HECTD2: variants seen among roughly 807,000 people sequenced by gnomAD.
HECTD2 encodes the protein HECT domain E3 ubiquitin protein ligase 2, also known as probable E3 ubiquitin-protein ligase HECTD2.
Under a neutral mutation model 103.2 loss-of-function variants are expected in HECTD2, and 35 were observed. That is an observed-to-expected ratio of 0.34 (90% confidence interval 0.26 to 0.45). The LOEUF is 0.45. Among genes scored for constraint, HECTD2 ranks in the 20% least tolerant of loss-of-function variants. The probability of loss-of-function intolerance (pLI) is 1.00; values close to 1 mark genes in which losing one functional copy is unlikely to be tolerated. For missense variants in HECTD2, 596 were observed against 937.4 expected (o/e 0.64, Z 4.76); for synonymous variants, 281 against 329.9 (o/e 0.85, Z 1.61).
At chr10:91,476,762 C>T (rs1301660035) in intron 5 of HECTD2, among the ~76,000 whole-genome samples, 1 of 152,220 alleles carries the variant, frequency 6.6e-6, no homozygotes, top group Non-Finnish European at 1.5e-5. Flanking sequence ...TGAGAACCGT[C>T]TTCTTGAAGT....
rs531068458 is a variant in HECTD2, at chr10:91,496,345, C to T, written c.1653C>T (p.Thr551=). 2.2e-5 allele frequency: 35 copies of T among 1,611,364 alleles called. No homozygotes were observed. In the East Asian group the frequency reaches 4.5e-4, roughly 21 times the overall value. The change falls in exon 15 of 21, where the codon ACC becomes ACT. Residue 551 remains threonine (T), a synonymous_variant. Coordinates refer to ENST00000298068, the MANE Select transcript of HECTD2 (RefSeq NM_182765.6). ...QNIPVGICNV[T]VDDLCQIMPE... ...TACCAGTAGGCATCTGCAATGTTAC[C>T]GTGGACGACTTATGTCAAATTATGC...
chr10:91,427,552 G>A (rs868102900), intron 2 of HECTD2, among the ~76,000 whole-genome samples: 18 of 152,138 alleles, frequency 1.2e-4, no homozygotes, highest in Non-Finnish European at 2.5e-4. Context: ...TCTAACTGGT[G>A]TGAGATGGTA....
At chr10:91,459,386 T>C (rs576071522) in intron 2 of HECTD2, among the ~76,000 whole-genome samples, 151 of 152,018 alleles carry the variant, frequency 9.9e-4, no homozygotes, top group Non-Finnish European at 1.9e-3. Flanking sequence ...TCTACACAAA[T>C]GTTTCTAGCA....
chr10:91,503,285 G>A (rs960255907), intron 20 of HECTD2, among the ~76,000 whole-genome samples: 2 of 152,178 alleles, frequency 1.3e-5, no homozygotes, highest in African/African-American at 2.4e-5. Context: ...CAAGATGGCC[G>A]AATAGGAACA....
chr10:91,511,213 G>A (rs565260200), intron 20 of HECTD2, among the ~76,000 whole-genome samples: 1 of 152,234 alleles, frequency 6.6e-6, no homozygotes, highest in East Asian at 1.9e-4. Context: ...ATGCTGTGAA[G>A]TTCATAAAGA....
rs1194131091 is a variant in HECTD2, at chr10:91,487,568, A to G, written c.1095-114A>G. ...ATACAATCATTTTGTATATGGTAAA[A>G]CACAATCCAAAAGTAATGTTTTATA... On this transcript the variant is annotated intron_variant, in intron 10 of 20. Coordinates refer to ENST00000298068, the MANE Select transcript of HECTD2 (RefSeq NM_182765.6). This position sits in a 1 kb window ranked among gnomAD's most constrained non-coding sequence, Gnocchi z 4.1. 1 of 754,838 alleles carries G rather than the reference A, an allele frequency of 1.3e-6. No homozygotes were observed. Among genetic ancestry groups the G allele is most frequent in the Admixed American group, 1.9e-5 (1 of 53,870 alleles). 46.8% of individuals were successfully genotyped at this position (754,838 alleles called of 1,614,324 possible). A position where few individuals can be genotyped will look rare whatever the true frequency, so the allele number is the denominator to read the frequency against.
intron 12 of HECTD2, among the ~76,000 whole-genome samples, 155 bp from the exon 13 acceptor site, chr10:91,492,197 C>T (rs1846507059): frequency 6.6e-6 from 1 of 152,202 alleles, no homozygotes; most frequent in Non-Finnish European, 1.5e-5. Flanking sequence ...CTAGCTCACA[C>T]AGTGTCTGGC....
intron 2 of HECTD2, among the ~76,000 whole-genome samples, chr10:91,436,643 T>C (rs1589478890): frequency 1.3e-5 from 2 of 152,144 alleles, no homozygotes; most frequent in East Asian, 3.9e-4. Context: ...GGAGGGATAG[T>C]CATGTAGTGG....
At chr10:91,475,651 G>A (rs1301837173) in intron 5 of HECTD2, among the ~76,000 whole-genome samples, 2 of 152,110 alleles carry the variant, frequency 1.3e-5, no homozygotes, top group African/African-American at 2.4e-5. Flanking sequence ...GAAATGAGGC[G>A]GTAGCTAGAA....
intron 20 of HECTD2, among the ~76,000 whole-genome samples, chr10:91,511,776 G>A (rs989276409): frequency 6.6e-6 from 1 of 152,144 alleles, no homozygotes; most frequent in Admixed American, 6.6e-5. Flanking sequence ...CTGTTGTGCA[G>A]CCCAGTTCCT....
At chr10:91,485,529 T>A in intron 10 of HECTD2, 1 of 386,390 alleles carries the variant, frequency 2.6e-6, no homozygotes, top group Non-Finnish European at 4.5e-6. Context: ...TAGCATCTTT[T>A]CAAGAAGGGA....
At chr10:91,498,277 C>A in intron 16 of HECTD2, 95 bp downstream of exon 16, 2 of 841,756 alleles carry the variant, frequency 2.4e-6, no homozygotes, top group South Asian at 1.5e-5. Flanking sequence ...AAAAGATGAA[C>A]AAGGATTAAC....
At chr10:91,461,661 G>T (rs1029223073) in intron 4 of HECTD2, among the ~76,000 whole-genome samples, 6 of 152,006 alleles carry the variant, frequency 3.9e-5, no homozygotes, top group Non-Finnish European at 2.9e-5. Context: ...CAATTCTTGT[G>T]CCTCAGCCTC....
At chr10:91,509,048 C>G (rs7074559) in intron 20 of HECTD2, among the ~76,000 whole-genome samples, 19,853 of 147,908 alleles carry the variant, frequency 0.13, 2,991 homozygotes, top group African/African-American at 0.38. Flanking sequence ...ACCGCATATT[C>G]TCACTCATAG....
intron 1 of HECTD2, among the ~76,000 whole-genome samples, chr10:91,411,250 T>G (rs888854326): frequency 7.2e-5 from 11 of 152,186 alleles, no homozygotes; most frequent in Non-Finnish European, 1.6e-4. Flanking sequence ...GAGAGCGCTG[T>G]CAGGCTTCAA....
chr10:91,429,871 T>C lies in HECTD2; in HGVS notation c.268+4461T>C, dbSNP rs1232352857. Among the ~76,000 whole-genome samples, 15 of 152,348 alleles carry C rather than the reference T, an allele frequency of 9.8e-5. No homozygotes were observed. The Middle Eastern group carries it at 0.01, about 104-fold the overall frequency. ...TTTTTTGAAGGTTTTTTTGTGTCTC[T>C]ATTTCCTTCAGTTCTGCTCTGATTT... On this transcript the variant is annotated intron_variant, in intron 2 of 20. Transcript: ENST00000298068.
In HECTD2 at chr10:91,496,322, C is replaced by A. The variant is rs767954192; in HGVS notation, c.1630C>A (p.Pro544Thr). ...PPIIPSDQNI[P>T]VGICNVTVDD... The stretch of plus-strand genomic sequence containing the variant: ...CATCATTCCTAGTGATCAAAATATA[C>A]CAGTAGGCATCTGCAATGTTACCGT... The change falls in exon 15 of 21, where the codon CCA becomes ACA. Residue 544 changes from proline to threonine, a missense_variant. By Grantham distance (38) the Pro-to-Thr change is conservative (BLOSUM62 -1). Around this residue, in one of 4 missense-constraint regions of HECTD2, gnomAD observed 303 missense variants for 522.5 expected, o/e 0.58. Transcript: ENST00000298068. 1.1e-5 allele frequency: 17 copies of A among 1,611,340 alleles called. No individual in the cohort carries two copies. In the East Asian group the frequency reaches 3.6e-4, roughly 34 times the overall value.
intron 1 of HECTD2, among the ~76,000 whole-genome samples, chr10:91,421,816 T>C (rs932755459): frequency 1.3e-5 from 2 of 152,234 alleles, no homozygotes; most frequent in African/African-American, 4.8e-5. Flanking sequence ...TGCCTATTCT[T>C]CTGAAATTTG....
chr10:91,503,331 A>T (rs1425752677), intron 20 of HECTD2, among the ~76,000 whole-genome samples: 2 of 152,340 alleles, frequency 1.3e-5, no homozygotes, highest in African/African-American at 4.8e-5. Context: ...AGCGACGCAG[A>T]AGATGGGTGA....
Sources: gnomAD v4.1 joint callset for allele counts (sites outside exome capture counted in the v4.1 genomes callset) on GRCh38, gnomAD v4.1.1 for gene constraint, gnomAD v4.1.1 regional missense constraint, Gnocchi (gnomAD v3.1) non-coding constraint, MANE v1.5 for transcripts, NCBI Gene and HGNC (gene_info 2026-07-23, HGNC 2026-07-21) for gene names.